Variants in REC8 observed in about 807,000 individuals in gnomAD.
The protein encoded by REC8 is meiotic recombination protein REC8 homolog.
A neutral mutation model predicts 78.3 loss-of-function variants in REC8; 42 were observed. The ratio of observed to expected loss-of-function variants is 0.54; its 90% CI spans 0.42 to 0.69. REC8 has a LOEUF of 0.69. Among genes scored for constraint, REC8 ranks in the 30% least tolerant of loss-of-function variants. The pLI, the probability that REC8 is intolerant of heterozygous loss-of-function variation, is 0.00. For synonymous variants in REC8, 268 were observed against 274.1 expected, an observed-to-expected ratio of 0.98 and a Z score of 0.22; for missense variants, 581 against 715.8, an observed-to-expected ratio of 0.81 and a Z score of 2.15.
At chr14:24,177,944 T>C (rs1566634979) in intron 11 of REC8, 147 bp from the exon 12 acceptor site, 4 of 1,508,052 alleles carry the variant, frequency 2.7e-6, no homozygotes, top group Non-Finnish European at 3.5e-6. Context: ...ATGCAAGGTA[T>C]GAGCTGCTCA....
chr14:24,172,964 G>A lies in REC8; in HGVS notation c.191G>A (p.Arg64His), dbSNP rs746788540. Residue 64 changes from arginine (R) to histidine (H), a missense_variant, in exon 3 of 19, where the codon CGC becomes CAC. Coordinates refer to ENST00000611366, the MANE Select transcript of REC8 (RefSeq NM_001048205.2). ...QPPQPGLPRP[R>H]FSLYLSAQLQ... ...CCGCAGCCCGGCCTGCCGCGGCCCCGCTTCTCCCTCTATCTCTCAGCCCAA... is the reference window on the plus strand; with the variant it reads ...CCGCAGCCCGGCCTGCCGCGGCCCCACTTCTCCCTCTATCTCTCAGCCCAA... 2 of 1,609,684 alleles carry A rather than the reference G, an allele frequency of 1.2e-6. No individual in the cohort carries two copies. The highest frequency in any genetic ancestry group is 4.5e-5 in the East Asian group (2 of 44,902).
intron 4 of REC8, 28 bp downstream of exon 4, chr14:24,173,226 A>C (rs748903793): frequency 1.2e-6 from 2 of 1,614,066 alleles, no homozygotes; most frequent in South Asian, 2.2e-5. Flanking sequence ...CTTTGATGGA[A>C]CACCTGCTAG....
Position 24,180,096 on chromosome 14 carries a change from G to C in REC8, c.*1G>C. 1 of 1,614,156 alleles carries C rather than the reference G, an allele frequency of 6.2e-7. No individual in the cohort carries two copies. On this transcript the variant is annotated 3_prime_UTR_variant, in exon 19 of 19. Transcript: ENST00000611366. ...CCAGCCGGGGCCCAGATTCCACTGA[G>C]GTTAGAGTCCATTTACAAAGCTGCC...
At chr14:24,176,008 C>A (rs1031967269) in intron 6 of REC8, among the ~76,000 whole-genome samples, 2 of 149,100 alleles carry the variant, frequency 1.3e-5, no homozygotes, top group South Asian at 4.3e-4. Flanking sequence ...TGGTGAGGGG[C>A]ATTTTATGTG....
chr14:24,179,389 C>T lies in REC8; in HGVS notation c.1253-8C>T. ...AGACACCCACTAGCGCCTTTCCTCC[C>T]CCAACAGAGATCTCCCTAGAGGCAG... On this transcript the variant is annotated splice_region_variant and splice_polypyrimidine_tract_variant and intron_variant, in intron 15 of 18. Transcript: ENST00000611366. 6.2e-7 allele frequency: 1 copy of T among 1,613,976 alleles called. No homozygotes were observed. The highest frequency in any genetic ancestry group is 1.1e-5 in the South Asian group (1 of 91,072).
chr14:24,176,769 C>T, intron 6 of REC8, 53 bp from the exon 7 acceptor site: 1 of 1,405,284 alleles, frequency 7.1e-7, no homozygotes. Context: ...AACTGCATGG[C>T]TGTGGGAATT....
chr14:24,179,759 C>T (rs2039080631), intron 17 of REC8, 33 bp downstream of exon 17: 18 of 1,614,138 alleles, frequency 1.1e-5, no homozygotes, highest in Non-Finnish European at 1.5e-5. Flanking sequence ...ATGGGGTGGA[C>T]CCGGGCTGAA....
intron 11 of REC8, 97 bp from the exon 12 acceptor site, chr14:24,177,994 C>T: frequency 6.5e-7 from 1 of 1,534,704 alleles, no homozygotes; most frequent in Non-Finnish European, 8.8e-7. Context: ...CCAGGTTCCT[C>T]TAGGGGCGGG....
chr14:24,178,921 C>A lies in REC8; in HGVS notation c.1203+5C>A, dbSNP rs751278400. 9 of 1,612,996 alleles carry A rather than the reference C, an allele frequency of 5.6e-6. No homozygotes were observed. The highest frequency in any genetic ancestry group is 7.6e-6 in the Non-Finnish European group (9 of 1,179,778). ...GAAGTTCCAAGTGAGATTGAGGTAA[C>A]TGCACCACCTGTTTACTGCATCGCC... On this transcript the variant is annotated splice_donor_5th_base_variant and intron_variant, in intron 14 of 18. Transcript: ENST00000611366.
chr14:24,175,332 A>G, intron 5 of REC8: 1 of 509,614 alleles, frequency 2.0e-6, no homozygotes, highest in Middle Eastern at 3.2e-4. Context: ...TGAGGGCTAG[A>G]TAACTGGGGT....
chr14:24,172,790 CAGAAAAGGGA>C lies in REC8; in HGVS notation c.125+12_125+21del. 1 of 1,614,142 alleles carries C rather than the reference CAGAAAAGGGA, an allele frequency of 6.2e-7. No homozygotes were observed. Among genetic ancestry groups the C allele is most frequent in the South Asian group, 1.1e-5 (1 of 91,080 alleles). On this transcript the variant is annotated intron_variant, in intron 2 of 18. Coordinates refer to ENST00000611366, the MANE Select transcript of REC8 (RefSeq NM_001048205.2). The stretch of plus-strand genomic sequence containing the variant: ...AATGTGGTGAAAACCTGGTAAGGCC[CAGAAAAGGGA>C]AGGAGGGCCTGGTGCGGGGGGTGAG...
chr14:24,179,664 C>T lies in REC8; in HGVS notation c.1389C>T (p.Pro463=). The T allele has an allele frequency of 1.2e-6, 2 of 1,614,216 alleles. No homozygotes were observed. Among genetic ancestry groups the T allele is most frequent in the African/African-American group, 1.3e-5 (1 of 75,052 alleles). ...TGGTGCCTGAACTCCCTGAGGTGCC[C>T]ATGGAGATGCCTTTGGTGCTGCCCC... ...LPVVPELPEV[P]MEMPLVLPPE... The change falls in exon 17 of 19, where the codon CCC becomes CCT. Residue 463 remains proline, a synonymous_variant. Transcript: ENST00000611366.
Position 24,172,419 on chromosome 14 carries a change from G to A in REC8, c.-134G>A. On this transcript the variant is annotated 5_prime_UTR_variant, in exon 1 of 19. Coordinates refer to ENST00000611366, the MANE Select transcript of REC8 (RefSeq NM_001048205.2). ...GCCTCATTAACTTGGCTTTCTAGGT[G>A]CACCCACCTTGCCACCAGAGAAGTC... 1.1e-6 allele frequency: 1 copy of A among 870,722 alleles called. No individual in the cohort carries two copies. Among genetic ancestry groups the A allele is most frequent in the Non-Finnish European group, 1.7e-6 (1 of 572,034 alleles). 53.9% of individuals were successfully genotyped at this position (870,722 alleles called of 1,614,324 possible).
intron 12 of REC8, 102 bp from the exon 13 acceptor site, chr14:24,178,504 G>A (rs916842455): frequency 1.6e-6 from 2 of 1,251,414 alleles, no homozygotes; most frequent in African/African-American, 1.5e-5. Flanking sequence ...GCAAAAGCTG[G>A]GGAAGTCCAG....
downstream of REC8, chr14:24,180,385 G>A (rs904744483): frequency 3.8e-6 from 6 of 1,574,178 alleles, no homozygotes; most frequent in Non-Finnish European, 1.7e-6. Flanking sequence ...TGGGCTGAGA[G>A]GTGGTCTTAA....
At chr14:24,177,406 C>A (rs2038948608) in intron 9 of REC8, 23 bp downstream of exon 9, 1 of 1,613,982 alleles carries the variant, frequency 6.2e-7, no homozygotes, top group South Asian at 1.1e-5. Context: ...ACTCCTAGAC[C>A]AGGTAGGGTG....
chr14:24,177,851 A>C, intron 11 of REC8, 93 bp downstream of exon 11: 1 of 1,482,702 alleles, frequency 6.7e-7, no homozygotes, highest in East Asian at 2.4e-5. Flanking sequence ...GCTAGCTTAC[A>C]GGGGTCCTTA....
rs753768874 is a variant in REC8 at position 24,175,569 on chromosome 14, C to T, written c.489C>T (p.Ile163=). ...TTCGACACCTCTTAGAGGCTGCAATCCCAGAGAGAGTTGAAGAGATCCCTC... is the reference window on the plus strand; with the variant it reads ...TTCGACACCTCTTAGAGGCTGCAATTCCAGAGAGAGTTGAAGAGATCCCTC... ...PQIRHLLEAA[I]PERVEEIPPE... is the part of the protein sequence containing the mutation. Residue 163 remains isoleucine, a synonymous_variant, in exon 6 of 19, where the codon ATC becomes ATT. Transcript: ENST00000611366. 3 of 1,614,036 alleles carry T rather than the reference C, an allele frequency of 1.9e-6. No homozygotes were observed. The South Asian group carries it at 3.3e-5, about 18-fold the overall frequency.
chr14:24,175,006 A>AT (rs10712510), intron 5 of REC8, among the ~76,000 whole-genome samples: 2,150 of 134,888 alleles, frequency 0.016, 38 homozygotes, highest in African/African-American at 0.048. Context: ...GCTTGCACAA[A>AT]TTTTTTTTTT....
Sources: allele counts gnomAD v4.1 joint callset (sites outside exome capture counted in the v4.1 genomes callset), GRCh38; gene constraint gnomAD v4.1.1; transcripts MANE v1.5; gene names NCBI Gene and HGNC (gene_info 2026-07-23, HGNC 2026-07-21).